NAALADL1: variants seen among roughly 807,000 people sequenced by gnomAD.
NAALADL1 encodes the protein N-acetylated alpha-linked acidic dipeptidase like 1.
In NAALADL1, 77 loss-of-function variants were observed where a neutral mutation model predicts 82.8. The ratio of observed to expected loss-of-function variants is 0.93; its 90% CI spans 0.77 to 1.12. The LOEUF is 1.12. NAALADL1 is among the 50% of genes most tolerant of loss of function. The pLI is 0.00. For missense variants in NAALADL1, 956 were observed against 964.0 expected (o/e 0.99, Z 0.11); for synonymous variants, 358 against 399.2 (o/e 0.90, Z 1.23).
chr11:65,057,978 A>G lies in NAALADL1; in HGVS notation c.377T>C (p.Ile126Thr), dbSNP rs763256938. 1 of 1,614,032 alleles carries G rather than the reference A, an allele frequency of 6.2e-7. No individual in the cohort carries two copies. Among genetic ancestry groups the G allele is most frequent in the East Asian group, 2.2e-5 (1 of 44,850 alleles). Reference protein sequence around the residue: ...VVDIVGPTGGIIHSCHRTEEN... With the variant: ...VVDIVGPTGGTIHSCHRTEEN... ...CTCAGTCCGGTGGCAGGAGTGGATG[A>G]TGCCCCCAGTGGGGCCCACTGTTGG... Residue 126 changes from isoleucine to threonine, a missense_variant, in exon 3 of 18, where the codon ATC becomes ACC. Transcript: ENST00000358658.
At position 65,046,313 on chromosome 11, in the gene NAALADL1, G is replaced by C. The variant is rs746100060; in HGVS notation, c.1731C>G (p.Leu577=). 195 of 1,614,214 alleles carry C rather than the reference G, an allele frequency of 1.2e-4. No individual in the cohort carries two copies. The highest frequency in any genetic ancestry group is 1.6e-4 in the Non-Finnish European group (189 of 1,180,042). Residue 577 remains leucine (L), a synonymous_variant, in exon 15 of 18, where the codon CTC becomes CTG. Coordinates refer to ENST00000358658, the MANE Select transcript of NAALADL1 (RefSeq NM_005468.3). ...AVARTAGSVI[L]RLSDSFFLPL... Reference sequence around the variant, plus strand: ...GCAGGAAGAAGCTGTCACTGAGCCGGAGAATCACACTCCCCGCTGTCCGGG... The same window carrying C: ...GCAGGAAGAAGCTGTCACTGAGCCGCAGAATCACACTCCCCGCTGTCCGGG...
chr11:65,058,763 G>A (rs942155858), upstream of NAALADL1, among the ~76,000 whole-genome samples: 2 of 152,176 alleles, frequency 1.3e-5, no homozygotes, highest in African/African-American at 2.4e-5. Flanking sequence ...CACTGAAGCC[G>A]AGAGGGAAGG....
At chr11:65,057,822 T>G in intron 3 of NAALADL1, 53 bp downstream of exon 3, 5 of 1,606,400 alleles carry the variant, frequency 3.1e-6, no homozygotes, top group Non-Finnish European at 4.3e-6. Context: ...GGGAGAACCC[T>G]GGGTGGAACC....
rs1946968078 is a variant in NAALADL1, at chr11:65,054,152, G to T, written c.992+98C>A. On this transcript the variant is annotated intron_variant, in intron 6 of 17. Coordinates refer to ENST00000358658, the MANE Select transcript of NAALADL1 (RefSeq NM_005468.3). This position sits in a 1 kb window ranked among gnomAD's most constrained non-coding sequence, Gnocchi z 4.3. ...GAGAGAGGAAAGGGAAAAAGGTCAG[G>T]CTTTGAAGTGGAAAGAGGGAACATC... 3 of 1,081,914 alleles carry T rather than the reference G, an allele frequency of 2.8e-6. No homozygotes were observed. The highest frequency in any genetic ancestry group is 4.1e-6 in the Non-Finnish European group (3 of 730,200). 67.0% of individuals were successfully genotyped at this position (1,081,914 alleles called of 1,614,324 possible). A position where few individuals can be genotyped will look rare whatever the true frequency, so the allele number is the denominator to read the frequency against.
At chr11:65,052,548 G>A (rs1477339199) in intron 8 of NAALADL1, among the ~76,000 whole-genome samples, 1 of 152,056 alleles carries the variant, frequency 6.6e-6, no homozygotes, top group African/African-American at 2.4e-5. Context: ...TCCTGACCTC[G>A]TGATCTGCCT....
chr11:65,052,195 G>A (rs981228025), intron 8 of NAALADL1, among the ~76,000 whole-genome samples: 9 of 151,766 alleles, frequency 5.9e-5, no homozygotes, highest in Admixed American at 2.6e-4. Flanking sequence ...CAGCAGACCC[G>A]GGCCCAGCAG....
In NAALADL1 at chr11:65,058,069, G is replaced by A. The variant is rs75095396; in HGVS notation, c.358+9C>T. ...CCCCGGGCATTCCCAAGACTGGGCA[G>A]GACCTCACCGATGTCCACGACGTTG... On this transcript the variant is annotated intron_variant, in intron 2 of 17. Transcript: ENST00000358658. 4,508 of 1,611,156 alleles carry A rather than the reference G, an allele frequency of 2.8e-3. 122 individuals are homozygous for A. In the African/African-American group the frequency reaches 0.051, roughly 18 times the overall value.
At chr11:65,046,633 A>G (rs945452020) in intron 13 of NAALADL1, 107 bp from the exon 14 acceptor site, 61 of 1,140,512 alleles carry the variant, frequency 5.3e-5, no homozygotes, top group Non-Finnish European at 7.9e-5. Context: ...AATCTTGGCC[A>G]TGTCTGTGAG....
chr11:65,045,996 C>T (rs1401645972), intron 16 of NAALADL1, 31 bp downstream of exon 16: 9 of 1,611,922 alleles, frequency 5.6e-6, no homozygotes, highest in Non-Finnish European at 7.6e-6. Flanking sequence ...GGGTGCTGCC[C>T]TCCCAGCCCC....
chr11:65,045,348 C>T lies in NAALADL1; in HGVS notation c.2146G>A (p.Val716Ile). 4 of 1,610,202 alleles carry T rather than the reference C, an allele frequency of 2.5e-6. No homozygotes were observed. The highest frequency in any genetic ancestry group is 3.4e-6 in the Non-Finnish European group (4 of 1,178,500). The change falls in exon 18 of 18, where the codon GTC becomes ATC. Residue 716 changes from valine to isoleucine, a missense_variant. Physicochemically the swap from Val to Ile is conservative, Grantham distance 29 (BLOSUM62 3). Coordinates refer to ENST00000358658, the MANE Select transcript of NAALADL1 (RefSeq NM_005468.3). ...TASGSEAWAE[V>I]QRQLSIVVTA... The stretch of plus-strand genomic sequence containing the variant: ...ACCACAATGCTGAGCTGTCTCTGGA[C>T]CTCAGCCCAAGCTTCAGATCCAGAA...
Position 65,044,850 on chromosome 11 carries a change from T to C in NAALADL1, c.*421A>G. The C allele has an allele frequency of 9.1e-7, 1 of 1,098,804 alleles. No individual in the cohort carries two copies. Among genetic ancestry groups the C allele is most frequent in the South Asian group, 1.6e-5 (1 of 61,250 alleles). 68.1% of individuals were successfully genotyped at this position (1,098,804 alleles called of 1,614,324 possible). On this transcript the variant is annotated 3_prime_UTR_variant, in exon 18 of 18. Coordinates refer to ENST00000358658, the MANE Select transcript of NAALADL1 (RefSeq NM_005468.3). This position sits in a 1 kb window ranked among gnomAD's most constrained non-coding sequence, Gnocchi z 4.0. The stretch of plus-strand genomic sequence containing the variant: ...GGTACCAGTCACTAGATGTGATTTA[T>C]TTGAGGGGCTGTTGTAGGGAGTTAG...
upstream of NAALADL1, among the ~76,000 whole-genome samples, chr11:65,060,997 C>T (rs1027837494): frequency 9.2e-5 from 14 of 152,176 alleles, no homozygotes; most frequent in Non-Finnish European, 2.1e-4. Flanking sequence ...TCACCTCCCA[C>T]GTGTACTCAC....
intron 17 of NAALADL1, 136 bp from the exon 18 acceptor site, chr11:65,045,593 G>T: frequency 9.6e-7 from 1 of 1,045,054 alleles, no homozygotes; most frequent in Non-Finnish European, 1.4e-6. Flanking sequence ...CTGAAGGCCA[G>T]GGAGCTCTTA....
Position 65,053,694 on chromosome 11 carries a change from C to A in NAALADL1, c.993-118G>T, listed in dbSNP as rs879007798. Reference sequence around the variant, plus strand: ...ACGTGGCAAGGCCATTCATTGGCCCCGAAGTACCAAGAGAGGCAGCAAGGC... The same window carrying A: ...ACGTGGCAAGGCCATTCATTGGCCCAGAAGTACCAAGAGAGGCAGCAAGGC... On this transcript the variant is annotated intron_variant, in intron 6 of 17. Transcript: ENST00000358658. The surrounding 1 kb of genome is among the most constrained non-coding windows in gnomAD (Gnocchi z 4.3). The A allele has an allele frequency of 6.4e-5, 56 of 880,572 alleles. No homozygotes were observed. The African/African-American group carries it at 9.2e-4, about 14-fold the overall frequency. The allele number at this position is 880,572 out of a possible 1,614,324, so 54.5% of individuals were successfully genotyped here. A position where few individuals can be genotyped will look rare whatever the true frequency, so the allele number is the denominator to read the frequency against.
At position 65,045,387 on chromosome 11, in the gene NAALADL1, C is replaced by A. The variant is rs780949178; in HGVS notation, c.2107G>T (p.Ala703Ser). 6 of 1,612,744 alleles carry A rather than the reference C, an allele frequency of 3.7e-6. No individual in the cohort carries two copies. Among genetic ancestry groups the A allele is most frequent in the Non-Finnish European group, 5.1e-6 (6 of 1,179,648 alleles). ...TCAGATCCAGAAGCTGTGTCCCTGG[C>A]CCTGGAGCAGGCATTGGATAGGCCC... is the stretch of plus-strand genomic sequence containing the variant. ...FPGLSNACSR[A>S]RDTASGSEAW... Residue 703 changes from alanine (A) to serine (S), a missense_variant, in exon 18 of 18, where the codon GCC becomes TCC. Coordinates refer to ENST00000358658, the MANE Select transcript of NAALADL1 (RefSeq NM_005468.3).
intron 17 of NAALADL1, 44 bp downstream of exon 17, chr11:65,045,778 G>T: frequency 2.5e-6 from 4 of 1,572,252 alleles, no homozygotes; most frequent in Non-Finnish European, 3.5e-6. Context: ...GCCATTGTCC[G>T]GCCCCACCTG....
rs1231578741 is a variant in NAALADL1, at chr11:65,048,399, A to T, written c.1199-14T>A. On this transcript the variant is annotated splice_polypyrimidine_tract_variant and intron_variant, in intron 8 of 17. Transcript: ENST00000358658. The stretch of plus-strand genomic sequence containing the variant: ...GACGCCAGGTGCCTGGGAATGGGGG[A>T]TAGAGGGTTGGAGGACAGGGTCCTC... 1 of 1,613,830 alleles carries T rather than the reference A, an allele frequency of 6.2e-7. No individual in the cohort carries two copies. Among genetic ancestry groups the T allele is most frequent in the Non-Finnish European group, 8.5e-7 (1 of 1,179,966 alleles).
intron 15 of NAALADL1, 26 bp downstream of exon 15, chr11:65,046,163 T>A: frequency 6.2e-7 from 1 of 1,614,050 alleles, no homozygotes; most frequent in South Asian, 1.1e-5. Context: ...GGGCTCCCCA[T>A]ACCTCAGGGT....
intron 13 of NAALADL1, 47 bp from the exon 14 acceptor site, chr11:65,046,573 GAGA>G (rs1946737226): frequency 1.9e-6 from 3 of 1,588,704 alleles, no homozygotes; most frequent in Non-Finnish European, 1.7e-6. Flanking sequence ...TGGGAAGTGG[GAGA>G]AGGTGTACCT....
Sources: gnomAD v4.1 joint callset for allele counts (sites outside exome capture counted in the v4.1 genomes callset) on GRCh38, gnomAD v4.1.1 for gene constraint, Gnocchi (gnomAD v3.1) non-coding constraint, MANE v1.5 for transcripts, NCBI Gene and HGNC (gene_info 2026-07-23, HGNC 2026-07-21) for gene names.